The following NPRL3 variants were observed in gnomAD, a reference collection of about 807,000 sequenced individuals.
NPRL3 encodes NPR3 like, GATOR1 complex subunit, also known as GATOR1 complex protein NPRL3.
A neutral mutation model predicts 57.2 loss-of-function variants in NPRL3; 23 were observed. The observed-to-expected ratio is 0.40, with a 90% CI of 0.29 to 0.57. The LOEUF is 0.57. NPRL3 is among the 20% of genes least tolerant of loss of function. The pLI, the probability that NPRL3 is intolerant of heterozygous loss-of-function variation, is 0.42. For synonymous variants in NPRL3, 333 were observed against 321.1 expected, an observed-to-expected ratio of 1.04 and a Z score of -0.39; for missense variants, 691 against 767.1, an observed-to-expected ratio of 0.90 and a Z score of 1.17.
rs758615954 is a variant in NPRL3, at chr16:130,629, C to T, written c.119-38G>A. The T allele has an allele frequency of 7.8e-6, 12 of 1,546,056 alleles. No homozygotes were observed. In the South Asian group the frequency reaches 1.1e-4, roughly 14 times the overall value. On this transcript the variant is annotated intron_variant, in intron 2 of 13. Coordinates refer to ENST00000611875, the MANE Select transcript of NPRL3 (RefSeq NM_001077350.3). Reference sequence around the variant, plus strand: ...GAAAAGAGGGGAAGGGCTAAGAAAACAGGGTCCTTCCACACACAGGAGGGT... The same window carrying T: ...GAAAAGAGGGGAAGGGCTAAGAAAATAGGGTCCTTCCACACACAGGAGGGT...
At chr16:99,961 A>AAAAAAAAAAAAAAAAAG (rs1452074528) in intron 8 of NPRL3, among the ~76,000 whole-genome samples, 166 of 123,272 alleles carry the variant, frequency 1.3e-3, no homozygotes, top group Non-Finnish European at 2.2e-3. Flanking sequence ...CACCCCCGCA[A>AAAAAAAAAAAAAAAAAG]AAAAAAAAAA....
At chr16:100,997 A>AAAAG (rs1899276446) in intron 7 of NPRL3, among the ~76,000 whole-genome samples, 1 of 146,594 alleles carries the variant, frequency 6.8e-6, no homozygotes, top group Non-Finnish European at 1.5e-5. Context: ...AAAAGGAAGA[A>AAAAG]GAAGAAGAAA....
intron 2 of NPRL3, among the ~76,000 whole-genome samples, chr16:136,460 C>A (rs902846248): frequency 2.0e-5 from 3 of 151,994 alleles, no homozygotes; most frequent in Non-Finnish European, 4.4e-5. Flanking sequence ...GAGGCCAAGG[C>A]GGGCGGATCA....
intron 7 of NPRL3, among the ~76,000 whole-genome samples, chr16:102,616 CT>C (rs893894394): frequency 5.9e-5 from 9 of 152,212 alleles, no homozygotes; most frequent in African/African-American, 1.9e-4. Flanking sequence ...CCATCACCCC[CT>C]GACCCTATTC....
intron 2 of NPRL3, among the ~76,000 whole-genome samples, chr16:131,596 T>TTAAA (rs1567148709): frequency 3.6e-5 from 1 of 27,748 alleles, no homozygotes; most frequent in Admixed American, 6.4e-4. Context: ...AGACTCAGTC[T>TTAAA]CAAAAAAAAA....
chr16:112,855 G>A (rs1899878407), intron 5 of NPRL3, 80 bp from the exon 6 acceptor site: 2 of 1,332,822 alleles, frequency 1.5e-6, no homozygotes, highest in South Asian at 1.8e-5. Flanking sequence ...AGCTAACACA[G>A]GTACACAGCA....
At chr16:106,644 AAAAAAAAAAAAAAAG>A (rs1899543866) in intron 7 of NPRL3, among the ~76,000 whole-genome samples, 7 of 150,016 alleles carry the variant, frequency 4.7e-5, no homozygotes, top group Admixed American at 4.0e-4. Flanking sequence ...AAAAAAAAAA[AAAAAAAAAAAAAAAG>A]AACCAGGAAC....
At chr16:136,585 G>A (rs887756292) in intron 2 of NPRL3, among the ~76,000 whole-genome samples, 3 of 151,792 alleles carry the variant, frequency 2.0e-5, no homozygotes, top group Admixed American at 6.6e-5. Flanking sequence ...CCAGCTACTC[G>A]GGAGGCTGAG....
Position 86,854 on chromosome 16 carries a change from G to A in NPRL3, c.1561C>T (p.Arg521Cys), listed in dbSNP as rs1305476231. Residue 521 changes from arginine (R) to cysteine (C), a missense_variant, in exon 14 of 14, where the codon CGC becomes TGC. Coordinates refer to ENST00000611875, the MANE Select transcript of NPRL3 (RefSeq NM_001077350.3). Reference protein sequence around the residue: ...RMFARLLHYFRGRHHLEEIMY... With the variant: ...RMFARLLHYFCGRHHLEEIMY... Reference sequence around the variant, plus strand: ...ATCTCCTCCAGGTGGTGGCGGCCGCGGAAGTAGTGAAGGAGCCTGGAAGGG... The same window carrying A: ...ATCTCCTCCAGGTGGTGGCGGCCGCAGAAGTAGTGAAGGAGCCTGGAAGGG... 8 of 1,613,124 alleles carry A rather than the reference G, an allele frequency of 5.0e-6. No individual in the cohort carries two copies. Among genetic ancestry groups the A allele is most frequent in the East Asian group, 4.5e-5 (2 of 44,866 alleles).
intron 7 of NPRL3, among the ~76,000 whole-genome samples, chr16:101,367 G>T (rs946930380): frequency 6.6e-6 from 1 of 152,194 alleles, no homozygotes; most frequent in Non-Finnish European, 1.5e-5. Flanking sequence ...CAGCACCTCA[G>T]TTGCAGTGCA....
chr16:100,089 C>T (rs1318317562), intron 8 of NPRL3, among the ~76,000 whole-genome samples: 5 of 152,038 alleles, frequency 3.3e-5, no homozygotes, highest in Admixed American at 6.6e-5. Flanking sequence ...TCCAGCCCTC[C>T]GGCCTCCCCA....
intron 3 of NPRL3, among the ~76,000 whole-genome samples, chr16:121,616 T>C (rs563360155): frequency 2.4e-5 from 3 of 124,420 alleles, no homozygotes; most frequent in Non-Finnish European, 3.5e-5. Context: ...CGAAACTCCG[T>C]CTCAAAAAAA....
intron 4 of NPRL3, 21 bp downstream of exon 4, chr16:119,085 TCTGCCCAGGGAGAGCCCCAC>T: frequency 1.3e-6 from 2 of 1,523,738 alleles, no homozygotes. Flanking sequence ...GAGAGCCACA[TCTGCCCAGGGAGAGCCCCAC>T]CTGCCCAGGG....
chr16:90,064 G>A, intron 11 of NPRL3, 162 bp from the exon 12 acceptor site: 2 of 645,664 alleles, frequency 3.1e-6, no homozygotes, highest in South Asian at 2.2e-5. Context: ...CTGCCAGCCA[G>A]CTCTGCAAGG....
rs1899107843 is a variant in NPRL3, at chr16:98,252, C to T, written c.817G>A (p.Glu273Lys). Residue 273 changes from glutamate to lysine, a missense_variant, in exon 9 of 14, where the codon GAG becomes AAG. Coordinates refer to ENST00000611875, the MANE Select transcript of NPRL3 (RefSeq NM_001077350.3). Reference sequence around the variant, plus strand: ...GCAGGGGAGCAGTCAATAGGAAGCTCACCCAGCAAGGACTTCTCATCACTG... The same window carrying T: ...GCAGGGGAGCAGTCAATAGGAAGCTTACCCAGCAAGGACTTCTCATCACTG... Reference protein sequence around the residue: ...LLSDEKSLLGELPIDCSPALV... With the variant: ...LLSDEKSLLGKLPIDCSPALV... 2 of 1,613,996 alleles carry T rather than the reference C, an allele frequency of 1.2e-6. No homozygotes were observed. Among genetic ancestry groups the T allele is most frequent in the Non-Finnish European group, 8.5e-7 (1 of 1,179,882 alleles).
intron 9 of NPRL3, among the ~76,000 whole-genome samples, chr16:97,183 G>A (rs1899048407): frequency 6.6e-6 from 1 of 151,822 alleles, no homozygotes; most frequent in African/African-American, 2.4e-5. Flanking sequence ...ACGCCCACAT[G>A]ACTAGCAGCC....
In NPRL3 at chr16:85,525, C is replaced by T; in HGVS notation, c.*1180G>A. ...GTGTCCTCAAGGACCGCGAGCTCTG[C>T]AGTGGCCCCTCCAAGCTGTGCCAGG... On this transcript the variant is annotated 3_prime_UTR_variant, in exon 14 of 14. Transcript: ENST00000611875. 2 of 1,613,414 alleles carry T rather than the reference C, an allele frequency of 1.2e-6. No homozygotes were observed. The highest frequency in any genetic ancestry group is 1.7e-6 in the Non-Finnish European group (2 of 1,180,044).
At chr16:134,939 G>A (rs1464630882) in intron 2 of NPRL3, among the ~76,000 whole-genome samples, 3 of 151,640 alleles carry the variant, frequency 2.0e-5, no homozygotes, top group African/African-American at 7.3e-5. Context: ...CTGACCTCGT[G>A]ATCCGCCCGC....
At chr16:132,948 C>A (rs1031711846) in intron 2 of NPRL3, among the ~76,000 whole-genome samples, 1 of 152,130 alleles carries the variant, frequency 6.6e-6, no homozygotes, top group African/African-American at 2.4e-5. Flanking sequence ...GGATTACAGG[C>A]GTGAGCCACC....
Sources: allele counts gnomAD v4.1 joint callset (sites outside exome capture counted in the v4.1 genomes callset), GRCh38; gene constraint gnomAD v4.1.1; transcripts MANE v1.5; gene names NCBI Gene and HGNC (gene_info 2026-07-23, HGNC 2026-07-21).